Variants in NLGN1 observed in about 807,000 individuals in gnomAD.
The protein encoded by NLGN1 is neuroligin-1.
Under a neutral mutation model 65.5 loss-of-function variants are expected in NLGN1, and 12 were observed. The observed-to-expected ratio is 0.18, with a 90% CI of 0.12 to 0.30. NLGN1 has a LOEUF of 0.30. NLGN1 is among the 10% of genes least tolerant of loss of function. NLGN1 has a pLI of 1.00. For missense variants in NLGN1, 750 were observed against 1,007.1 expected (o/e 0.74, Z 3.46); for synonymous variants, 350 against 359.5 (o/e 0.97, Z 0.30).
chr3:173,798,791 T>G (rs1714748064), intron 3 of NLGN1, among the ~76,000 whole-genome samples: 1 of 152,054 alleles, frequency 6.6e-6, no homozygotes, highest in African/African-American at 2.4e-5. Context: ...TTCAATTACT[T>G]CATCCATTTC....
chr3:174,177,897 C>G (rs1729733599), intron 4 of NLGN1, among the ~76,000 whole-genome samples: 1 of 151,970 alleles, frequency 6.6e-6, no homozygotes, highest in Non-Finnish European at 1.5e-5. Flanking sequence ...CAATACTGCC[C>G]CGGATGTACC....
downstream of NLGN1, among the ~76,000 whole-genome samples, chr3:174,289,969 GTATA>G (rs748262574): frequency 4.5e-5 from 6 of 133,748 alleles, no homozygotes; most frequent in African/African-American, 1.4e-4. Flanking sequence ...ATATATATAT[GTATA>G]TATATATATA....
At chr3:173,445,307 G>A (rs1178277003) in intron 2 of NLGN1, among the ~76,000 whole-genome samples, 1 of 150,102 alleles carries the variant, frequency 6.7e-6, no homozygotes, top group African/African-American at 2.5e-5. Context: ...AAGGACTTGT[G>A]TGAAGATCTA....
In NLGN1 at chr3:173,415,941, A is replaced by AGCGC. The variant is rs148689348; in HGVS notation, c.-390+17455_-390+17456insCGCG. 8.3e-3 allele frequency among the ~76,000 whole-genome samples: 1,142 copies of AGCGC among 138,278 alleles called. 6 individuals are homozygous for AGCGC. Among genetic ancestry groups the AGCGC allele is most frequent in the Non-Finnish European group, 0.011 (687 of 63,554 alleles). The allele number at this position is 138,278 out of a possible 152,430, so 90.7% of individuals were successfully genotyped here. On this transcript the variant is annotated intron_variant, in intron 1 of 6. Transcript: ENST00000457714. ...GAGGGAGAGAGAGAGAGAGAGAGAG[A>AGCGC]GAGCTTGGTATAGAGCCTAACACAC... is the stretch of plus-strand genomic sequence containing the variant.
At chr3:173,896,054 G>C (rs934642387) in intron 4 of NLGN1, among the ~76,000 whole-genome samples, 6 of 152,114 alleles carry the variant, frequency 3.9e-5, no homozygotes, top group African/African-American at 1.4e-4. Flanking sequence ...GATGAATTAT[G>C]CCTGGCAATT....
chr3:173,410,239 C>T (rs1045026760), intron 1 of NLGN1, among the ~76,000 whole-genome samples: 5 of 152,142 alleles, frequency 3.3e-5, no homozygotes, highest in Non-Finnish European at 7.4e-5. Flanking sequence ...TGGGAATAAA[C>T]AAAATAACAT....
At chr3:173,825,751 T>G (rs1721215178) in intron 4 of NLGN1, among the ~76,000 whole-genome samples, 1 of 152,090 alleles carries the variant, frequency 6.6e-6, no homozygotes, top group South Asian at 2.1e-4. Context: ...ATCTTTTATA[T>G]CAGATCCTAA....
intron 2 of NLGN1, among the ~76,000 whole-genome samples, chr3:173,584,301 A>T (rs1209237025): frequency 6.6e-6 from 1 of 151,138 alleles, no homozygotes; most frequent in East Asian, 1.9e-4. Flanking sequence ...GATCCCTGCA[A>T]TATCGCCTGG....
rs1160438322 is a variant in NLGN1 at position 173,988,488 on chromosome 3, A to G, written c.646+180656A>G. ...TTCCTATAGCCACTACTTTTAGTCC[A>G]TTTCAGGATGCATGAAGGAAGATAG... On this transcript the variant is annotated intron_variant, in intron 4 of 6. Coordinates refer to ENST00000457714, the Ensembl canonical transcript of NLGN1. Among the ~76,000 whole-genome samples the G allele has an allele frequency of 2.0e-5, 3 of 152,088 alleles. No homozygotes were observed. The East Asian group carries it at 5.8e-4, about 29-fold the overall frequency.
intron 3 of NLGN1, among the ~76,000 whole-genome samples, chr3:173,769,984 C>A (rs1779347694): frequency 6.6e-6 from 1 of 152,118 alleles, no homozygotes; most frequent in African/African-American, 2.4e-5. Flanking sequence ...TTTCAAAGCT[C>A]AAGGCAATTA....
chr3:174,170,161 A>G (rs1308296088), intron 4 of NLGN1, among the ~76,000 whole-genome samples: 1 of 151,854 alleles, frequency 6.6e-6, no homozygotes, highest in East Asian at 1.9e-4. Context: ...ATCTTTATGT[A>G]CTATCTTGCT....
chr3:174,202,991 T>C (rs79948828), intron 4 of NLGN1, among the ~76,000 whole-genome samples: 7 of 111,080 alleles, frequency 6.3e-5, no homozygotes, highest in Non-Finnish European at 1.0e-4. Flanking sequence ...TTTATTTATT[T>C]ATTCATTCAT....
chr3:173,509,859 T>C (rs1732638178), intron 2 of NLGN1, among the ~76,000 whole-genome samples: 1 of 152,222 alleles, frequency 6.6e-6, no homozygotes, highest in African/African-American at 2.4e-5. Context: ...TATAGAATTA[T>C]GAATTGATTG....
intron 3 of NLGN1, among the ~76,000 whole-genome samples, chr3:173,742,298 T>C (rs1456135097): frequency 6.6e-6 from 1 of 152,150 alleles, no homozygotes; most frequent in Non-Finnish European, 1.5e-5. Context: ...GATTCTCTTT[T>C]AATATTAGGG....
intron 1 of NLGN1, among the ~76,000 whole-genome samples, chr3:173,430,528 G>T (rs752124162): frequency 1.3e-5 from 2 of 152,224 alleles, no homozygotes; most frequent in Non-Finnish European, 2.9e-5. Context: ...GTCCTATCAG[G>T]TGGCTCTTGA....
chr3:173,530,793 G>C (rs745670542), intron 2 of NLGN1, among the ~76,000 whole-genome samples: 7 of 151,750 alleles, frequency 4.6e-5, no homozygotes, highest in Non-Finnish European at 8.8e-5. Flanking sequence ...TACTTTCTAG[G>C]CTCTTTATAG....
chr3:173,771,652 T>G (rs1053619892), intron 3 of NLGN1, among the ~76,000 whole-genome samples: 1 of 25,140 alleles, frequency 4.0e-5, no homozygotes, highest in African/African-American at 9.5e-5. Flanking sequence ...TCTCTAGAAT[T>G]TGACAAATTA....
At chr3:173,689,286 G>C (rs1303546461) in intron 3 of NLGN1, among the ~76,000 whole-genome samples, 1 of 152,116 alleles carries the variant, frequency 6.6e-6, no homozygotes, top group Admixed American at 6.6e-5. Flanking sequence ...AAGGGTATGA[G>C]ATTGCTCTTG....
intron 4 of NLGN1, among the ~76,000 whole-genome samples, chr3:173,860,746 T>C (rs1728891353): frequency 6.6e-6 from 1 of 152,204 alleles, no homozygotes; most frequent in East Asian, 1.9e-4. Flanking sequence ...GAAATGTGAA[T>C]AATGTTAATT....
Sources: allele counts gnomAD v4.1 joint callset (sites outside exome capture counted in the v4.1 genomes callset), GRCh38; gene constraint gnomAD v4.1.1; transcripts MANE v1.5; gene names NCBI Gene and HGNC (gene_info 2026-07-23, HGNC 2026-07-21).